The following CIZ1 variants were observed in gnomAD, a reference collection of about 807,000 sequenced individuals.
CIZ1 encodes the protein cip1-interacting zinc finger protein.
In CIZ1, 58 loss-of-function variants were observed where a neutral mutation model predicts 118.6. The ratio of observed to expected loss-of-function variants is 0.49; its 90% confidence interval spans 0.40 to 0.61. CIZ1 has a LOEUF of 0.61. Among genes scored for constraint, CIZ1 ranks in the 20% least tolerant of loss-of-function variants. The probability of loss-of-function intolerance (pLI) is 0.00; values close to 1 mark genes in which losing one functional copy is unlikely to be tolerated. For missense variants in CIZ1, 921 were observed against 1,115.9 expected (o/e 0.83, Z 2.49); for synonymous variants, 448 against 443.4 (o/e 1.01, Z -0.13).
At chr9:128,192,405 G>A (rs1336921863), upstream of CIZ1, among the ~76,000 whole-genome samples, 2 of 150,518 alleles carry the variant, frequency 1.3e-5, no homozygotes, top group East Asian at 3.9e-4. Flanking sequence ...GAAAAGGAGA[G>A]GAAAACAGAG....
At chr9:128,189,438 A>C (rs1194481648) in intron 3 of CIZ1, among the ~76,000 whole-genome samples, 2 of 152,160 alleles carry the variant, frequency 1.3e-5, no homozygotes, top group African/African-American at 4.8e-5. Flanking sequence ...AATCTTGGGC[A>C]CATGACCCCT....
At chr9:128,171,610 G>A (rs7868505) in intron 11 of CIZ1, among the ~76,000 whole-genome samples, 9,697 of 150,754 alleles carry the variant, frequency 0.064, 994 homozygotes, top group African/African-American at 0.22. Flanking sequence ...GGTGGCACGC[G>A]CCTGTAATCC....
chr9:128,166,156 G>T lies in CIZ1; in HGVS notation c.*41C>A. 7.4e-7 allele frequency: 1 copy of T among 1,345,012 alleles called. No individual in the cohort carries two copies. The allele number at this position is 1,345,012 out of a possible 1,614,324, so 83.3% of individuals were successfully genotyped here. ...GGCAGACTCCTAAAAAGCATTAGCA[G>T]ATCTGGACCCAGGCAGGCCAGGGAC... On this transcript the variant is annotated 3_prime_UTR_variant, in exon 17 of 17. Transcript: ENST00000372938. This position sits in a 1 kb window ranked among gnomAD's most constrained non-coding sequence, Gnocchi z 4.4.
At chr9:128,185,115 C>A (rs1201101633) in intron 5 of CIZ1, among the ~76,000 whole-genome samples, 4 of 152,048 alleles carry the variant, frequency 2.6e-5, no homozygotes, top group Admixed American at 2.6e-4. Context: ...CCCGTCTTTA[C>A]TAAAAATACA....
upstream of CIZ1, among the ~76,000 whole-genome samples, chr9:128,193,390 G>GT (rs1320037732): frequency 6.6e-6 from 1 of 152,144 alleles, no homozygotes; most frequent in Non-Finnish European, 1.5e-5. Flanking sequence ...GACAGAAGCA[G>GT]TGAGGAGAGA....
At chr9:128,179,736 G>A (rs1023902935) in intron 7 of CIZ1, among the ~76,000 whole-genome samples, 7 of 152,062 alleles carry the variant, frequency 4.6e-5, no homozygotes, top group Non-Finnish European at 1.5e-5. Context: ...GCAATGGCGC[G>A]ATCTCGGCTC....
In CIZ1 at chr9:128,191,225, A is replaced by C; in HGVS notation, c.-6+207T>G. The stretch of plus-strand genomic sequence containing the variant: ...CTCACAGCCCCTTTTCAATACCGCA[A>C]CCCTCTCTGGGCCCCCGGGTGTCAA... On this transcript the variant is annotated intron_variant, in intron 1 of 16. Transcript: ENST00000372938. The surrounding 1 kb of genome is among the most constrained non-coding windows in gnomAD (Gnocchi z 5.5). 6.7e-6 allele frequency: 2 copies of C among 297,368 alleles called. No individual in the cohort carries two copies. Among genetic ancestry groups the C allele is most frequent in the Non-Finnish European group, 1.2e-5 (2 of 160,130 alleles). 18.4% of individuals were successfully genotyped at this position (297,368 alleles called of 1,614,324 possible).
intron 11 of CIZ1, among the ~76,000 whole-genome samples, chr9:128,174,150 G>GCCCCATTCCTGGGAACAC (rs1830575500): frequency 6.6e-6 from 1 of 152,192 alleles, no homozygotes; most frequent in African/African-American, 2.4e-5. Flanking sequence ...CCAGCCTTCA[G>GCCCCATTCCTGGGAACAC]CCCCATTCCT....
At chr9:128,183,515 G>A (rs907284642) in intron 5 of CIZ1, among the ~76,000 whole-genome samples, 6 of 152,212 alleles carry the variant, frequency 3.9e-5, no homozygotes, top group East Asian at 3.9e-4. Context: ...TTGCCCCTGC[G>A]CTGGAATACA....
At position 128,202,229 on chromosome 9, in the gene CIZ1, C is replaced by T. The variant is rs116508163; in HGVS notation, c.-6+1957G>A. ...AGCAGTGCCCCCACACTGTTCACAG[C>T]GCAGGGAAATGACTCACCGACTCCC... is the stretch of plus-strand genomic sequence containing the variant. On this transcript the variant is annotated intron_variant, in intron 1 of 17. Transcript: ENST00000372948. Among the ~76,000 whole-genome samples the T allele has an allele frequency of 2.8e-3, 421 of 152,304 alleles. 2 individuals are homozygous for T. Among genetic ancestry groups the T allele is most frequent in the African/African-American group, 9.9e-3 (412 of 41,570 alleles).
intron 3 of CIZ1, among the ~76,000 whole-genome samples, chr9:128,188,470 G>A (rs1453556762): frequency 3.3e-5 from 5 of 152,074 alleles, no homozygotes; most frequent in Non-Finnish European, 5.9e-5. Flanking sequence ...TTTAAAGAGT[G>A]TGACTTTTAT....
chr9:128,167,264 G>C, intron 14 of CIZ1, 100 bp from the exon 15 acceptor site: 2 of 845,404 alleles, frequency 2.4e-6, no homozygotes, highest in East Asian at 2.7e-5. Flanking sequence ...TGGACACACA[G>C]AATCCCCTTG....
rs757711846 is a variant in CIZ1, at chr9:128,166,731, G to A, written c.2487+28C>T. 1 of 1,614,072 alleles carries A rather than the reference G, an allele frequency of 6.2e-7. No individual in the cohort carries two copies. Among genetic ancestry groups the A allele is most frequent in the Admixed American group, 1.7e-5 (1 of 60,016 alleles). ...GATTAAGACTAAGTCTGTGGCCAGG[G>A]GAGGACAGGGCAGGATGTCCGGCTC... On this transcript the variant is annotated intron_variant, in intron 16 of 16. Coordinates refer to ENST00000372938, the MANE Select transcript of CIZ1 (RefSeq NM_001131016.2). The surrounding 1 kb of genome is among the most constrained non-coding windows in gnomAD (Gnocchi z 4.4).
upstream of CIZ1, among the ~76,000 whole-genome samples, chr9:128,193,081 G>A (rs1237306060): frequency 6.6e-6 from 1 of 152,258 alleles, no homozygotes; most frequent in Non-Finnish European, 1.5e-5. Context: ...CTCTGGACTG[G>A]CTCTGCGGCA....
chr9:128,179,498 C>T (rs1004809540), intron 7 of CIZ1, 83 bp from the exon 8 acceptor site: 4 of 1,270,876 alleles, frequency 3.1e-6, no homozygotes, highest in Non-Finnish European at 4.3e-6. Context: ...CTAGGCCGAG[C>T]GTGGTGGCTC....
At chr9:128,171,985 T>C (rs1465553703) in intron 11 of CIZ1, among the ~76,000 whole-genome samples, 1 of 151,236 alleles carries the variant, frequency 6.6e-6, no homozygotes, top group Admixed American at 6.6e-5. Flanking sequence ...GTATCCTTTA[T>C]GTAGGCAGCT....
At position 128,166,086 on chromosome 9, in the gene CIZ1, T is replaced by G; in HGVS notation, c.*111A>C. The G allele has an allele frequency of 3.8e-6, 3 of 787,416 alleles. No individual in the cohort carries two copies. Among genetic ancestry groups the G allele is most frequent in the Non-Finnish European group, 5.6e-6 (3 of 531,050 alleles). 48.8% of individuals were successfully genotyped at this position (787,416 alleles called of 1,614,324 possible). ...GAACTGCACAGCCAAACTACCTTGTTTTATTGGATTTTGAGTAAAAACATG... is the reference window on the plus strand; with the variant it reads ...GAACTGCACAGCCAAACTACCTTGTGTTATTGGATTTTGAGTAAAAACATG... On this transcript the variant is annotated 3_prime_UTR_variant, in exon 17 of 17. Transcript: ENST00000372938. This position sits in a 1 kb window ranked among gnomAD's most constrained non-coding sequence, Gnocchi z 4.4.
intron 4 of CIZ1, 40 bp downstream of exon 4, chr9:128,187,823 A>G: frequency 1.9e-6 from 1 of 525,314 alleles, no homozygotes; most frequent in African/African-American, 2.0e-5. Context: ...AATTATATGT[A>G]TATATACATT....
In CIZ1 at chr9:128,178,696, A is replaced by G. The variant is rs1377832657; in HGVS notation, c.1498+13T>C. The G allele has an allele frequency of 6.2e-7, 1 of 1,607,918 alleles. No individual in the cohort carries two copies. Among genetic ancestry groups the G allele is most frequent in the Admixed American group, 1.7e-5 (1 of 59,950 alleles). The stretch of plus-strand genomic sequence containing the variant: ...CCCATCACCAGACCAGCTGGGAGCC[A>G]GTGCTCACTTACCTCCACCAGCTTC... On this transcript the variant is annotated intron_variant, in intron 8 of 16. Transcript: ENST00000372938.
Sources: allele counts gnomAD v4.1 joint callset (sites outside exome capture counted in the v4.1 genomes callset), GRCh38; gene constraint gnomAD v4.1.1; non-coding constraint Gnocchi (gnomAD v3.1); transcripts MANE v1.5; gene names NCBI Gene and HGNC (gene_info 2026-07-23, HGNC 2026-07-21).